Variants in ZHX3 observed in about 807,000 individuals in gnomAD.
ZHX3 encodes the protein zinc fingers and homeoboxes protein 3.
ZHX3 carries 20 observed loss-of-function variants against 64.5 expected under a neutral mutation model. The ratio of observed to expected loss-of-function variants is 0.31; its 90% CI spans 0.22 to 0.45. The LOEUF (loss-of-function observed/expected upper bound fraction) is 0.45. ZHX3 is among the 20% of genes least tolerant of loss of function. The pLI, the probability that ZHX3 is intolerant of heterozygous loss-of-function variation, is 1.00. For synonymous variants in ZHX3, 423 were observed against 461.6 expected, an observed-to-expected ratio of 0.92 and a Z score of 1.07; for missense variants, 1,041 against 1,195.8, an observed-to-expected ratio of 0.87 and a Z score of 1.91.
At chr20:41,302,130 A>G (rs2044842499) in intron 1 of ZHX3, among the ~76,000 whole-genome samples, 1 of 149,142 alleles carries the variant, frequency 6.7e-6, no homozygotes, top group African/African-American at 2.5e-5. Flanking sequence ...CCAACGGTTT[A>G]CCTCAAATCA....
At chr20:41,288,393 T>A (rs1352945670) in intron 1 of ZHX3, among the ~76,000 whole-genome samples, 1 of 152,226 alleles carries the variant, frequency 6.6e-6, no homozygotes, top group Admixed American at 6.5e-5. Context: ...AATACTACCA[T>A]CCCTTTTGCC....
rs548580338 is a variant in ZHX3, at chr20:41,190,806, T to C, written c.2861-5605A>G. Among the ~76,000 whole-genome samples the C allele has an allele frequency of 5.5e-4, 84 of 152,358 alleles. No individual in the cohort carries two copies. The Middle Eastern group carries it at 0.017, about 31-fold the overall frequency. ...CTTCATTTATGAAGGATAATTTTGC[T>C]AGACATAGTATCCTTGGCTTACTTT... On this transcript the variant is annotated intron_variant, in intron 3 of 3. Transcript: ENST00000683867.
intron 1 of ZHX3, among the ~76,000 whole-genome samples, chr20:41,295,838 G>A (rs556687154): frequency 4.0e-5 from 6 of 149,520 alleles, no homozygotes; most frequent in African/African-American, 1.2e-4. Flanking sequence ...GCGACACAAC[G>A]AGACTCCGTC....
chr20:41,209,035 A>G (rs569253754), intron 2 of ZHX3, among the ~76,000 whole-genome samples: 10 of 151,206 alleles, frequency 6.6e-5, no homozygotes, highest in Non-Finnish European at 1.0e-4. Flanking sequence ...CAAGCATTCC[A>G]ATACACCAAT....
In ZHX3 at chr20:41,202,785, A is replaced by C; in HGVS notation, c.2132T>G (p.Met711Arg). Residue 711 changes from methionine (M) to arginine (R), a missense_variant, in exon 3 of 4, where the codon ATG (methionine) becomes AGG (arginine). By Grantham distance (91) the Met-to-Arg change is moderately conservative (BLOSUM62 -1). This residue lies in a region of ZHX3 where 649 missense variants were observed against 739.8 expected (regional missense o/e 0.88). Transcript: ENST00000683867. This position sits in a 1 kb window ranked among gnomAD's most constrained non-coding sequence, Gnocchi z 7.0. ...CTCTGCCAAGATATGGCTGCTGGGC[A>C]TTTCCAGAGAGCCATTTTCACCAGA... ...RVSGENGSLE[M>R]PSSHILAERK... The C allele has an allele frequency of 1.2e-6, 2 of 1,614,102 alleles. No homozygotes were observed. Among genetic ancestry groups the C allele is most frequent in the Non-Finnish European group, 1.7e-6 (2 of 1,180,024 alleles).
chr20:41,204,860 C>A lies in ZHX3; in HGVS notation c.57G>T (p.Val19=). ...TPCMIPVKTV[V]LQDASMEAQP... ...GGGCCTCCATGCTGGCATCTTGCAACACCACAGTCTTCACTGGGATCATGC... is the reference window on the plus strand; with the variant it reads ...GGGCCTCCATGCTGGCATCTTGCAAAACCACAGTCTTCACTGGGATCATGC... Residue 19 remains valine (V), a synonymous_variant, in exon 3 of 4, where the codon GTG becomes GTT. Coordinates refer to ENST00000683867, the MANE Select transcript of ZHX3 (RefSeq NM_001384317.1). The surrounding 1 kb of genome is among the most constrained non-coding windows in gnomAD (Gnocchi z 6.6). 6.3e-7 allele frequency: 1 copy of A among 1,583,204 alleles called. No homozygotes were observed. The highest frequency in any genetic ancestry group is 1.2e-5 in the South Asian group (1 of 85,002).
At chr20:41,243,669 C>T (rs1177276530) in intron 2 of ZHX3, among the ~76,000 whole-genome samples, 1 of 152,024 alleles carries the variant, frequency 6.6e-6, no homozygotes, top group Admixed American at 6.5e-5. Flanking sequence ...GGTTTGGGGC[C>T]TTATAATATT....
intron 2 of ZHX3, among the ~76,000 whole-genome samples, chr20:41,227,314 G>C (rs1464197482): frequency 6.6e-6 from 1 of 152,222 alleles, no homozygotes; most frequent in Non-Finnish European, 1.5e-5. Context: ...GAAAGGAGAG[G>C]AATAGTGCTC....
chr20:41,191,778 G>T (rs751335117), intron 3 of ZHX3, among the ~76,000 whole-genome samples: 7 of 152,314 alleles, frequency 4.6e-5, no homozygotes, highest in Non-Finnish European at 1.0e-4. Context: ...AGCATCAGTG[G>T]TATCTGTGAT....
In ZHX3 at chr20:41,278,452, A is replaced by T. The variant is rs2043501953; in HGVS notation, c.-244-9369T>A. The stretch of plus-strand genomic sequence containing the variant: ...ATTCTGATGCACATGCACAATTTTA[A>T]CCATACTGGGATCATACTGCACATA... On this transcript the variant is annotated intron_variant, in intron 1 of 3. Coordinates refer to ENST00000683867, the MANE Select transcript of ZHX3 (RefSeq NM_001384317.1). 2.1e-5 allele frequency among the ~76,000 whole-genome samples: 3 copies of T among 141,184 alleles called. 1 individual carries two copies. In the South Asian group the frequency reaches 7.4e-4, roughly 35 times the overall value. 92.6% of individuals were successfully genotyped at this position (141,184 alleles called of 152,430 possible). A position where few individuals can be genotyped will look rare whatever the true frequency, so the allele number is the denominator to read the frequency against.
chr20:41,201,884 T>C lies in ZHX3; in HGVS notation c.2860+173A>G, dbSNP rs1445803899. 6.6e-6 allele frequency among the ~76,000 whole-genome samples: 1 copy of C among 152,236 alleles called. No individual in the cohort carries two copies. Among genetic ancestry groups the C allele is most frequent in the Non-Finnish European group, 1.5e-5 (1 of 68,034 alleles). ...CAGCTCTCAACCGTTTATCATATTA[T>C]ATTCCTATGGCTTCTGCTGCTAGTT... On this transcript the variant is annotated intron_variant, in intron 3 of 3. Transcript: ENST00000683867. This position sits in a 1 kb window ranked among gnomAD's most constrained non-coding sequence, Gnocchi z 5.0.
At chr20:41,270,764 C>G (rs6065328) in intron 1 of ZHX3, among the ~76,000 whole-genome samples, 87,226 of 151,870 alleles carry the variant, frequency 0.57, 26,227 homozygotes, top group East Asian at 0.82. Flanking sequence ...AAGCTACAGT[C>G]TCATCCATCT....
chr20:41,204,564 G>C lies in ZHX3; in HGVS notation c.353C>G (p.Ala118Gly). ...CAAGGAAAGCCCCTCAGGGGTTTTT[G>C]CCAGAAAACTGCACCCACTGCATAC... ...TFVCSGCSFL[A>G]KTPEGLSLHN... Residue 118 changes from alanine (A) to glycine (G), a missense_variant, in exon 3 of 4, where the codon GCA becomes GGA. Ala to Gly is a moderately conservative substitution (Grantham distance 60). Transcript: ENST00000683867. This position sits in a 1 kb window ranked among gnomAD's most constrained non-coding sequence, Gnocchi z 6.6. 6.2e-7 allele frequency: 1 copy of C among 1,614,152 alleles called. No homozygotes were observed. Among genetic ancestry groups the C allele is most frequent in the African/African-American group, 1.3e-5 (1 of 75,052 alleles).
chr20:41,232,798 G>C lies in ZHX3; in HGVS notation c.-150-27732C>G, dbSNP rs1391668224. Among the ~76,000 whole-genome samples, 1 of 151,846 alleles carries C rather than the reference G, an allele frequency of 6.6e-6. No homozygotes were observed. The highest frequency in any genetic ancestry group is 1.5e-5 in the Non-Finnish European group (1 of 67,968). ...GACGGGGTTTCACCGTGTTAGCCAG[G>C]ATAGTCTCGATCTCCTGACCTCGTG... On this transcript the variant is annotated intron_variant, in intron 2 of 3. Coordinates refer to ENST00000683867, the MANE Select transcript of ZHX3 (RefSeq NM_001384317.1). The surrounding 1 kb of genome is among the most constrained non-coding windows in gnomAD (Gnocchi z 5.0).
At chr20:41,231,736 AAT>A (rs1284366001) in intron 2 of ZHX3, among the ~76,000 whole-genome samples, 1 of 152,240 alleles carries the variant, frequency 6.6e-6, no homozygotes, top group Non-Finnish European at 1.5e-5. Context: ...CATATCCTCT[AAT>A]AAGAGATAAC....
At chr20:41,284,004 A>G (rs1015056520) in intron 1 of ZHX3, among the ~76,000 whole-genome samples, 1 of 152,216 alleles carries the variant, frequency 6.6e-6, no homozygotes, top group African/African-American at 2.4e-5. Context: ...TGTATTATTT[A>G]TGTAATTTTA....
chr20:41,272,890 CAG>C (rs989355036), intron 1 of ZHX3, among the ~76,000 whole-genome samples: 5 of 152,118 alleles, frequency 3.3e-5, no homozygotes, highest in Non-Finnish European at 5.9e-5. Context: ...GACATATAAA[CAG>C]GAGTGGAATT....
chr20:41,242,518 C>T lies in ZHX3; in HGVS notation c.-151+26472G>A, dbSNP rs572331566. ...GAATGCAAATAGGGTGAGGAGGAGC[C>T]ACATACACAGCTGTTAGCTTTGTGA... On this transcript the variant is annotated intron_variant, in intron 2 of 3. Transcript: ENST00000683867. Among the ~76,000 whole-genome samples, 3 of 152,248 alleles carry T rather than the reference C, an allele frequency of 2.0e-5. No individual in the cohort carries two copies. In the South Asian group the frequency reaches 6.2e-4, roughly 32 times the overall value.
At chr20:41,288,623 T>C (rs2146728652) in intron 1 of ZHX3, among the ~76,000 whole-genome samples, 1 of 152,312 alleles carries the variant, frequency 6.6e-6, no homozygotes, top group Non-Finnish European at 1.5e-5. Flanking sequence ...GCCAGAATGA[T>C]ATTTTGAAAA....
Sources: allele counts gnomAD v4.1 joint callset (sites outside exome capture counted in the v4.1 genomes callset), GRCh38; gene constraint gnomAD v4.1.1; regional missense constraint gnomAD v4.1.1; non-coding constraint Gnocchi (gnomAD v3.1); transcripts MANE v1.5; gene names NCBI Gene and HGNC (gene_info 2026-07-23, HGNC 2026-07-21).